Variants in ITGB5 observed in about 807,000 individuals in gnomAD.
The protein encoded by ITGB5 is integrin beta-5.
ITGB5 carries 38 observed loss-of-function variants against 84.8 expected under a neutral mutation model. The ratio of observed to expected loss-of-function variants is 0.45; its 90% CI spans 0.35 to 0.59. ITGB5 has a LOEUF of 0.59. Among genes scored for constraint, ITGB5 ranks in the 20% least tolerant of loss-of-function variants. The pLI is 0.01. For missense variants in ITGB5, 905 were observed against 1,034.5 expected (o/e 0.87, Z 1.72); for synonymous variants, 393 against 414.4 (o/e 0.95, Z 0.63).
At chr3:124,839,671 G>A (rs1057477029) in intron 5 of ITGB5, among the ~76,000 whole-genome samples, 5 of 152,108 alleles carry the variant, frequency 3.3e-5, no homozygotes, top group Admixed American at 6.5e-5. Context: ...TGGAGAAAAC[G>A]CCTCCTATAG....
At chr3:124,887,761 C>A (rs1450688801), upstream of ITGB5, 4 of 435,432 alleles carry the variant, frequency 9.2e-6, no homozygotes, top group East Asian at 1.5e-4. Context: ...GTACGGGGGT[C>A]GTGCCGGTAC....
At position 124,764,902 on chromosome 3, in the gene ITGB5, C is replaced by T. The variant is rs76295447; in HGVS notation, c.2138-345G>A. ...TCGTGTACATGGTTTCAGGAGCAGA[C>T]TGGGCAGGCAGGAGGTACCATGAAG... On this transcript the variant is annotated intron_variant, in intron 13 of 14. Transcript: ENST00000296181. Among the ~76,000 whole-genome samples the T allele has an allele frequency of 4.4e-3, 671 of 152,298 alleles. 1 individual carries two copies. The highest frequency in any genetic ancestry group is 0.014 in the Middle Eastern group (4 of 294).
At chr3:124,771,422 G>GCC (rs1218644572) in intron 11 of ITGB5, among the ~76,000 whole-genome samples, 1 of 152,156 alleles carries the variant, frequency 6.6e-6, no homozygotes, top group Non-Finnish European at 1.5e-5. Flanking sequence ...CTGTGAAAGA[G>GCC]ACAGAGGGTC....
chr3:124,870,330 C>A (rs1933937676), intron 2 of ITGB5, among the ~76,000 whole-genome samples: 1 of 152,172 alleles, frequency 6.6e-6, no homozygotes, highest in South Asian at 2.1e-4. Context: ...TAGTCATGGC[C>A]TGCACCTAGC....
intron 9 of ITGB5, among the ~76,000 whole-genome samples, chr3:124,804,097 A>C (rs1057049050): frequency 5.3e-5 from 8 of 152,238 alleles, no homozygotes; most frequent in Non-Finnish European, 1.0e-4. Context: ...GGCAGCATAA[A>C]GTGGCTTCAG....
chr3:124,782,659 A>G (rs1417095152), intron 10 of ITGB5, among the ~76,000 whole-genome samples: 1 of 152,102 alleles, frequency 6.6e-6, no homozygotes, highest in Admixed American at 6.5e-5. Flanking sequence ...GGAATTTGAG[A>G]CCAGCCTGAC....
chr3:124,763,740 A>C, intron 14 of ITGB5, 22 bp from the exon 15 acceptor site: 1 of 1,412,240 alleles, frequency 7.1e-7, no homozygotes. Context: ...GGCGGGGAAG[A>C]GGATGAGGAC....
At chr3:124,828,239 G>T (rs1008673852) in intron 5 of ITGB5, among the ~76,000 whole-genome samples, 1 of 152,190 alleles carries the variant, frequency 6.6e-6, no homozygotes, top group African/African-American at 2.4e-5. Context: ...ACATGAACAT[G>T]AACATTTACA....
chr3:124,804,522 T>C (rs1429984164), intron 9 of ITGB5, among the ~76,000 whole-genome samples: 3 of 152,086 alleles, frequency 2.0e-5, no homozygotes, highest in Non-Finnish European at 4.4e-5. Context: ...TACTGCAGCC[T>C]GGTAACAAGA....
intron 9 of ITGB5, among the ~76,000 whole-genome samples, chr3:124,799,565 G>GA (rs1306179492): frequency 2.7e-5 from 4 of 150,518 alleles, no homozygotes; most frequent in Admixed American, 6.6e-5. Context: ...GTCTCAAAAA[G>GA]AAAAAAAAAG....
chr3:124,841,290 G>A (rs1353478796), intron 5 of ITGB5, 93 bp downstream of exon 5: 5 of 1,214,824 alleles, frequency 4.1e-6, no homozygotes, highest in Non-Finnish European at 5.8e-6. Flanking sequence ...ACATGCTGGG[G>A]CACTCAAAGA....
chr3:124,886,990 G>A lies in ITGB5; in HGVS notation c.11C>T (p.Ala4Val). The A allele has an allele frequency of 8.4e-7, 1 of 1,192,672 alleles. No individual in the cohort carries two copies. The highest frequency in any genetic ancestry group is 1.0e-6 in the Non-Finnish European group (1 of 963,198). The allele number at this position is 1,192,672 out of a possible 1,614,324, so 73.9% of individuals were successfully genotyped here. A position where few individuals can be genotyped will look rare whatever the true frequency, so the allele number is the denominator to read the frequency against. Reference protein sequence around the residue: MPRAPAPLYACLLG... With the variant: MPRVPAPLYACLLG... ...GAGGCAGGCGTACAGCGGCGCCGGG[G>A]CCCGCGGCATGGTGGGGCGCCTCCC... is the stretch of plus-strand genomic sequence containing the variant. Residue 4 changes from alanine (A) to valine (V), a missense_variant, in exon 1 of 15, where the codon GCC becomes GTC. Around this residue, in one of 3 missense-constraint regions of ITGB5, gnomAD observed 656 missense variants for 734.7 expected, o/e 0.89. Transcript: ENST00000296181.
chr3:124,774,720 G>A (rs568057708), intron 10 of ITGB5, among the ~76,000 whole-genome samples: 94 of 152,302 alleles, frequency 6.2e-4, no homozygotes, highest in African/African-American at 2.3e-3. Context: ...GTCCTAGTTA[G>A]AAGCTGAATT....
intron 5 of ITGB5, among the ~76,000 whole-genome samples, chr3:124,834,945 A>G (rs892516001): frequency 9.8e-5 from 15 of 152,288 alleles, no homozygotes; most frequent in African/African-American, 3.6e-4. Flanking sequence ...CCAAGCAAGA[A>G]GGAGCCTCTG....
intron 5 of ITGB5, among the ~76,000 whole-genome samples, chr3:124,835,413 C>T (rs1270430956): frequency 6.6e-6 from 1 of 152,256 alleles, no homozygotes; most frequent in African/African-American, 2.4e-5. Context: ...CCACACCTGT[C>T]TGACAACAAC....
intron 3 of ITGB5, among the ~76,000 whole-genome samples, chr3:124,849,227 C>A (rs538835808): frequency 6.6e-6 from 1 of 152,262 alleles, no homozygotes; most frequent in South Asian, 2.1e-4. Flanking sequence ...AGCCCACCAA[C>A]CACATACCAA....
intron 9 of ITGB5, among the ~76,000 whole-genome samples, chr3:124,805,867 A>G (rs919085174): frequency 2.6e-5 from 4 of 152,200 alleles, no homozygotes; most frequent in Non-Finnish European, 5.9e-5. Flanking sequence ...AACATTCTGA[A>G]CTAAAACATA....
intron 1 of ITGB5, among the ~76,000 whole-genome samples, chr3:124,874,751 G>C (rs1242315966): frequency 2.0e-5 from 3 of 152,164 alleles, no homozygotes; most frequent in African/African-American, 7.2e-5. Flanking sequence ...ACACACAATG[G>C]GGAAAGGCCA....
At chr3:124,849,487 T>C (rs1488365774) in intron 3 of ITGB5, among the ~76,000 whole-genome samples, 1 of 152,176 alleles carries the variant, frequency 6.6e-6, no homozygotes, top group Non-Finnish European at 1.5e-5. Context: ...CTAGTATTTA[T>C]TTGGGGGGCA....
Sources: allele counts gnomAD v4.1 joint callset (sites outside exome capture counted in the v4.1 genomes callset), GRCh38; gene constraint gnomAD v4.1.1; regional missense constraint gnomAD v4.1.1; transcripts MANE v1.5; gene names NCBI Gene and HGNC (gene_info 2026-07-23, HGNC 2026-07-21).